Variants in SLC6A16 observed in about 807,000 individuals in gnomAD.
SLC6A16 encodes the protein solute carrier family 6 member 16.
Under a neutral mutation model 65.4 loss-of-function variants are expected in SLC6A16, and 54 were observed. That is an observed-to-expected ratio of 0.83 (90% CI 0.66 to 1.04). The LOEUF (loss-of-function observed/expected upper bound fraction) is 1.04, where lower values mean the gene tolerates loss of function less well. Among genes scored for constraint, SLC6A16 ranks in the 50% least tolerant of loss-of-function variants. The pLI is 0.00. For synonymous variants in SLC6A16, 330 were observed against 346.5 expected, an observed-to-expected ratio of 0.95 and a Z score of 0.53; for missense variants, 816 against 914.0, an observed-to-expected ratio of 0.89 and a Z score of 1.38.
At chr19:49,337,167 C>T in the SLC6A16 span, 1 of 1,614,160 alleles carries the variant, frequency 6.2e-7, no homozygotes, top group Non-Finnish European at 8.5e-7. Context: ...TGCTGCTGCT[C>T]CTGTTTGCCA....
At position 49,325,187 on chromosome 19, in the gene SLC6A16, G is replaced by C. The variant is rs890677490; in HGVS notation, c.-204C>G. The stretch of plus-strand genomic sequence containing the variant: ...CAGATCGGTTTGGGCGACACCCCTC[G>C]ATCTGCCTGGCGCGCGGCCTTTCCC... On this transcript the variant is annotated 5_prime_UTR_variant, in exon 1 of 12. It adds an upstream start codon to the 5' untranslated region. Transcript: ENST00000335875. 3.0e-6 allele frequency: 3 copies of C among 985,376 alleles called. No individual in the cohort carries two copies. Among genetic ancestry groups the C allele is most frequent in the South Asian group, 4.7e-5 (1 of 21,294 alleles). 61.0% of individuals were successfully genotyped at this position (985,376 alleles called of 1,614,324 possible). A position where few individuals can be genotyped will look rare whatever the true frequency, so the allele number is the denominator to read the frequency against.
the SLC6A16 span, chr19:49,337,688 G>A: frequency 1.0e-5 from 16 of 1,529,450 alleles, no homozygotes; most frequent in East Asian, 3.2e-4. Flanking sequence ...AAACACACGG[G>A]AAAAAGAGAG....
chr19:49,290,874 TCTC>T (rs1477467880), intron 10 of SLC6A16, 107 bp from the exon 11 acceptor site: 2 of 910,322 alleles, frequency 2.2e-6, no homozygotes, highest in South Asian at 3.5e-5. Flanking sequence ...GTATCTCTAA[TCTC>T]CTGTTTCATC....
At chr19:49,308,731 T>C (rs1193561247) in intron 7 of SLC6A16, 145 bp downstream of exon 7, 1 of 854,438 alleles carries the variant, frequency 1.2e-6, no homozygotes, top group Admixed American at 2.3e-5. Flanking sequence ...GTCTCCATTT[T>C]TAGCTATGGG....
chr19:49,332,332 G>A, the SLC6A16 span: 31 of 453,710 alleles, frequency 6.8e-5, no homozygotes, highest in South Asian at 4.8e-4. Context: ...TGAAGTGGGT[G>A]GATCACGAGG....
chr19:49,322,555 A>G (rs1970728447), intron 1 of SLC6A16, among the ~76,000 whole-genome samples: 1 of 150,648 alleles, frequency 6.6e-6, no homozygotes, highest in African/African-American at 2.4e-5. Context: ...AATCACTTGA[A>G]CCTGGGAGGC....
upstream of SLC6A16, among the ~76,000 whole-genome samples, chr19:49,329,021 G>A (rs1230172175): frequency 6.6e-6 from 1 of 152,112 alleles, no homozygotes; most frequent in Non-Finnish European, 1.5e-5. Flanking sequence ...ATAAAACACT[G>A]TGAGCAGAAA....
chr19:49,308,440 G>C (rs560865723), intron 7 of SLC6A16, among the ~76,000 whole-genome samples: 1 of 152,050 alleles, frequency 6.6e-6, no homozygotes, highest in Non-Finnish European at 1.5e-5. Flanking sequence ...GTGAAAGAGC[G>C]AGACTCCATC....
intron 1 of SLC6A16, among the ~76,000 whole-genome samples, chr19:49,317,375 T>C (rs542258056): frequency 1.1e-3 from 164 of 151,890 alleles, no homozygotes; most frequent in African/African-American, 3.9e-3. Context: ...ATAAAATTAA[T>C]TAATTAAAAG....
chr19:49,307,537 G>A (rs1379463071), intron 7 of SLC6A16, among the ~76,000 whole-genome samples: 1 of 151,746 alleles, frequency 6.6e-6, no homozygotes, highest in Non-Finnish European at 1.5e-5. Flanking sequence ...GAGGGTTAGG[G>A]TTACTAGGAG....
At position 49,292,860 on chromosome 19, in the gene SLC6A16, T is replaced by C. The variant is rs1970103667; in HGVS notation, c.1778+363A>G. 6.6e-6 allele frequency among the ~76,000 whole-genome samples: 1 copy of C among 152,238 alleles called. No homozygotes were observed. Among genetic ancestry groups the C allele is most frequent in the Admixed American group, 6.5e-5 (1 of 15,282 alleles). ...ACTTGGTGCCCACACACACTCCCACTATGTGCCATCTGACCTCATCCTTTG... is the reference window on the plus strand; with the variant it reads ...ACTTGGTGCCCACACACACTCCCACCATGTGCCATCTGACCTCATCCTTTG... On this transcript the variant is annotated intron_variant, in intron 10 of 11. Coordinates refer to ENST00000335875, the MANE Select transcript of SLC6A16 (RefSeq NM_014037.3). This position sits in a 1 kb window ranked among gnomAD's most constrained non-coding sequence, Gnocchi z 4.3.
chr19:49,306,568 G>C (rs111343558), intron 7 of SLC6A16, among the ~76,000 whole-genome samples: 1 of 139,648 alleles, frequency 7.2e-6, no homozygotes, highest in Non-Finnish European at 1.5e-5. Context: ...TTTTGAGAGA[G>C]AGTCTCACTC....
chr19:49,339,013 G>T, the SLC6A16 span: 1 of 1,201,732 alleles, frequency 8.3e-7, no homozygotes. This position sits in a 1 kb window ranked among gnomAD's most constrained non-coding sequence, Gnocchi z 4.5. Context: ...AGTGAGTAGC[G>T]GCCTGAGAAA....
intron 1 of SLC6A16, among the ~76,000 whole-genome samples, chr19:49,317,508 A>G (rs1334783325): frequency 6.6e-6 from 1 of 152,166 alleles, no homozygotes; most frequent in Admixed American, 6.5e-5. Flanking sequence ...CAAAAACACT[A>G]CAAAACTGTA....
upstream of SLC6A16, among the ~76,000 whole-genome samples, chr19:49,329,658 A>G (rs1264248414): frequency 1.7e-5 from 2 of 114,670 alleles, no homozygotes; most frequent in Non-Finnish European, 3.3e-5. Flanking sequence ...GAGACAGTCT[A>G]GTCTCGCTCT....
intron 1 of SLC6A16, among the ~76,000 whole-genome samples, chr19:49,317,028 C>A (rs1034106318): frequency 6.6e-6 from 1 of 151,106 alleles, no homozygotes; most frequent in Non-Finnish European, 1.5e-5. Context: ...CAGAGTGGGA[C>A]CTCATTCTCT....
chr19:49,322,998 G>A (rs1970740150), intron 1 of SLC6A16, among the ~76,000 whole-genome samples: 2 of 151,910 alleles, frequency 1.3e-5, no homozygotes, highest in Middle Eastern at 3.4e-3. Context: ...CAAAGCTATA[G>A]TAATCAAAAT....
At chr19:49,325,002 C>A in intron 1 of SLC6A16, 46 bp downstream of exon 1, 3 of 977,554 alleles carry the variant, frequency 3.1e-6, no homozygotes, top group Non-Finnish European at 3.6e-6. Context: ...CCCCACACAC[C>A]CCAGATGTGG....
chr19:49,296,193 G>A (rs1238699308), intron 7 of SLC6A16, among the ~76,000 whole-genome samples: 1 of 152,070 alleles, frequency 6.6e-6, no homozygotes, highest in Non-Finnish European at 1.5e-5. Flanking sequence ...CATCGTGTTG[G>A]CCAGGCTGGT....
Sources: allele counts gnomAD v4.1 joint callset (sites outside exome capture counted in the v4.1 genomes callset), GRCh38; gene constraint gnomAD v4.1.1; non-coding constraint Gnocchi (gnomAD v3.1); transcripts MANE v1.5; gene names NCBI Gene and HGNC (gene_info 2026-07-23, HGNC 2026-07-21).